MYOM2: variants seen among roughly 807,000 people sequenced by gnomAD.
MYOM2 encodes the protein myomesin-2.
A neutral mutation model predicts 187.6 loss-of-function variants in MYOM2; 254 were observed. The ratio of observed to expected loss-of-function variants is 1.35; its 90% CI spans 1.22 to 1.50. MYOM2 has a LOEUF of 1.50. MYOM2 is among the 40% of genes most tolerant of loss of function. The pLI is 0.00. For missense variants in MYOM2, 2,796 were observed against 1,924.0 expected (o/e 1.45, Z -8.48); for synonymous variants, 981 against 753.8 (o/e 1.30, Z -4.94).
At chr8:2,080,980 G>A (rs1427993423) in intron 13 of MYOM2, among the ~76,000 whole-genome samples, 1 of 139,222 alleles carries the variant, frequency 7.2e-6, no homozygotes, top group Non-Finnish European at 1.6e-5. Context: ...CCTGCGGGAG[G>A]AACAGGCAGC....
At chr8:2,128,248 A>G (rs1032665978) in intron 31 of MYOM2, among the ~76,000 whole-genome samples, 4 of 152,242 alleles carry the variant, frequency 2.6e-5, no homozygotes, top group South Asian at 2.1e-4. Flanking sequence ...TAGAAGCACA[A>G]TAACTATGTA....
Position 2,098,896 on chromosome 8 carries a change from A to T in MYOM2, c.2353A>T (p.Ile785Phe), listed in dbSNP as rs1046865927. The T allele has an allele frequency of 1.1e-5, 17 of 1,613,092 alleles. No homozygotes were observed. The highest frequency in any genetic ancestry group is 1.4e-5 in the Non-Finnish European group (16 of 1,179,682). ...GGAAGGCTCACTCTACGAGTTCAAA[A>T]TCGCCGCCGTCAACCTGGCCGGCAT... ...LTEGSLYEFK[I>F]AAVNLAGIGE... The change falls in exon 19 of 37, where the codon ATC (isoleucine) becomes TTC (phenylalanine). Residue 785 changes from isoleucine (I) to phenylalanine (F), a missense_variant. Transcript: ENST00000262113.
intron 21 of MYOM2, among the ~76,000 whole-genome samples, chr8:2,104,148 TA>T (rs35609047): frequency 0.59 from 90,240 of 151,864 alleles, 27,148 homozygotes; most frequent in African/African-American, 0.68. Context: ...CAGAAAATTT[TA>T]AAAAGCTGTT....
At chr8:2,117,787 C>A in intron 27 of MYOM2, 98 bp from the exon 28 acceptor site, 1 of 720,474 alleles carries the variant, frequency 1.4e-6, no homozygotes, top group African/African-American at 1.8e-5. Context: ...TATATACACA[C>A]CATGCATATA....
Position 2,116,116 on chromosome 8 carries a change from C to T in MYOM2, c.3325+12C>T, listed in dbSNP as rs370562424. ...TCTTATTGGAGATGGTATGCTATAT[C>T]GAATATTTCCACGTCCATACAAGAT... On this transcript the variant is annotated intron_variant, in intron 26 of 36. Coordinates refer to ENST00000262113, the MANE Select transcript of MYOM2 (RefSeq NM_003970.4). 48 of 1,548,542 alleles carry T rather than the reference C, an allele frequency of 3.1e-5. No individual in the cohort carries two copies. The highest frequency in any genetic ancestry group is 8.0e-5 in the South Asian group (7 of 87,950).
intron 6 of MYOM2, among the ~76,000 whole-genome samples, chr8:2,060,575 A>C (rs1210766955): frequency 6.6e-6 from 1 of 152,162 alleles, no homozygotes; most frequent in African/African-American, 2.4e-5. Context: ...ATTCTGACTA[A>C]ACTGTAAAGC....
At chr8:2,131,891 C>T (rs1284716522) in intron 32 of MYOM2, among the ~76,000 whole-genome samples, 2 of 152,124 alleles carry the variant, frequency 1.3e-5, no homozygotes, top group Non-Finnish European at 2.9e-5. Flanking sequence ...GATCCACCCA[C>T]CTGGGCCTCC....
chr8:2,057,845 G>A, intron 5 of MYOM2, 65 bp downstream of exon 5: 4 of 1,558,672 alleles, frequency 2.6e-6, no homozygotes, highest in Non-Finnish European at 3.5e-6. Context: ...AAAGACCCCA[G>A]TTAAGGAGAC....
Position 2,078,742 on chromosome 8 carries a change from T to A in MYOM2, c.1271T>A (p.Val424Glu). The change falls in exon 12 of 37, where the codon GTA becomes GAA. Residue 424 changes from valine to glutamate, a missense_variant. By Grantham distance (121) the Val-to-Glu change is moderately radical. Transcript: ENST00000262113. ...VMGYFVDRCEVGTNNWVQCND... is the reference protein window; with the variant it reads ...VMGYFVDRCEEGTNNWVQCND... ...CTTTTTTTAACTTGAAGATGTGAAG[T>A]AGGAACGAATAATTGGGTGCAGTGC... The A allele has an allele frequency of 6.2e-7, 1 of 1,614,112 alleles. No homozygotes were observed. Among genetic ancestry groups the A allele is most frequent in the Middle Eastern group, 1.6e-4 (1 of 6,062 alleles).
chr8:2,048,192 G>A (rs965448165), intron 1 of MYOM2, among the ~76,000 whole-genome samples: 11 of 152,206 alleles, frequency 7.2e-5, no homozygotes, highest in African/African-American at 2.7e-4. Flanking sequence ...CAGGTACTGG[G>A]GATTGCTCAT....
At chr8:2,086,422 T>TCA (rs1796063350) in intron 14 of MYOM2, among the ~76,000 whole-genome samples, 1 of 143,618 alleles carries the variant, frequency 7.0e-6, no homozygotes, top group Non-Finnish European at 1.5e-5. Context: ...CCTCCCACTG[T>TCA]TGTGATCTCT....
At chr8:2,048,850 C>T (rs867721617) in intron 1 of MYOM2, among the ~76,000 whole-genome samples, 1 of 151,100 alleles carries the variant, frequency 6.6e-6, no homozygotes, top group African/African-American at 2.4e-5. Flanking sequence ...AATGCAGTGG[C>T]GCGATCTCGG....
rs1357449604 is a variant in MYOM2, at chr8:2,109,489, CT to C, written c.3139del (p.Tyr1047ThrfsTer30). On this transcript the variant is annotated frameshift_variant, in exon 25 of 37. Coordinates refer to ENST00000262113, the MANE Select transcript of MYOM2 (RefSeq NM_003970.4). LOFTEE classifies it high-confidence loss of function. ...QAEHLSPDAS[Y>X]RFIINDREVS... ...CTGAGCACTTATCACCAGATGCCAG[CT>C]ACCGATTTATTATTAACGACAGAGA... 2 of 1,613,408 alleles carry C rather than the reference CT, an allele frequency of 1.2e-6. No individual in the cohort carries two copies. Among genetic ancestry groups the C allele is most frequent in the Non-Finnish European group, 8.5e-7 (1 of 1,179,662 alleles).
intron 10 of MYOM2, among the ~76,000 whole-genome samples, chr8:2,075,242 G>C (rs965285040): frequency 6.6e-6 from 1 of 152,166 alleles, no homozygotes; most frequent in South Asian, 2.1e-4. Context: ...TTAGGCGGGC[G>C]TTAAATGTCC....
intron 20 of MYOM2, among the ~76,000 whole-genome samples, chr8:2,101,354 A>G (rs943099374): frequency 6.6e-6 from 1 of 152,234 alleles, no homozygotes; most frequent in Non-Finnish European, 1.5e-5. Context: ...CTCTGTCTCA[A>G]AAACAAAACA....
intron 23 of MYOM2, among the ~76,000 whole-genome samples, chr8:2,106,939 AAG>A (rs1433514365): frequency 6.6e-6 from 1 of 152,206 alleles, no homozygotes; most frequent in African/African-American, 2.4e-5. Context: ...CTACGGGTGG[AAG>A]AGTCTTCCCT....
chr8:2,133,036 C>T (rs550528439), intron 32 of MYOM2, among the ~76,000 whole-genome samples: 2 of 152,286 alleles, frequency 1.3e-5, no homozygotes, highest in African/African-American at 4.8e-5. Context: ...TTGTGCCTTG[C>T]GGTCCTGGCC....
chr8:2,048,696 C>T (rs1334442437), intron 1 of MYOM2, among the ~76,000 whole-genome samples: 3 of 152,206 alleles, frequency 2.0e-5, no homozygotes, highest in Non-Finnish European at 4.4e-5. Flanking sequence ...AACCTGGGCG[C>T]TTGACCTCTG....
At chr8:2,136,647 C>T (rs1430479620) in intron 32 of MYOM2, among the ~76,000 whole-genome samples, 1 of 152,202 alleles carries the variant, frequency 6.6e-6, no homozygotes, top group Non-Finnish European at 1.5e-5. Context: ...GCCCTTATCT[C>T]CACTGCTGCC....
Sources: gnomAD v4.1 joint callset for allele counts (sites outside exome capture counted in the v4.1 genomes callset) on GRCh38, gnomAD v4.1.1 for gene constraint, MANE v1.5 for transcripts, NCBI Gene and HGNC (gene_info 2026-07-23, HGNC 2026-07-21) for gene names.